Variants in CADPS2 observed in about 807,000 individuals in gnomAD.
CADPS2 encodes the protein calcium dependent secretion activator 2.
A neutral mutation model predicts 172.5 loss-of-function variants in CADPS2; 93 were observed. The observed-to-expected ratio is 0.54, with a 90% CI of 0.46 to 0.64. CADPS2 has a LOEUF of 0.64. CADPS2 is among the 30% of genes least tolerant of loss of function. The pLI is 0.00. For missense variants in CADPS2, 1,420 were observed against 1,565.9 expected (o/e 0.91, Z 1.57); for synonymous variants, 546 against 555.2 (o/e 0.98, Z 0.23).
intron 6 of CADPS2, among the ~76,000 whole-genome samples, chr7:122,593,809 T>C (rs1301364260): frequency 6.6e-6 from 1 of 151,446 alleles, no homozygotes; most frequent in Non-Finnish European, 1.5e-5. Flanking sequence ...AAAGAAGCCA[T>C]GTGAGAATCT....
chr7:122,736,089 A>G (rs1047321367), intron 2 of CADPS2, among the ~76,000 whole-genome samples: 2 of 152,144 alleles, frequency 1.3e-5, no homozygotes, highest in Non-Finnish European at 2.9e-5. Context: ...GGCTTGGGGT[A>G]AGGTAAACTT....
At position 122,675,204 on chromosome 7, in the gene CADPS2, T is replaced by C. The variant is rs577851599; in HGVS notation, c.454-11635A>G. Reference sequence around the variant, plus strand: ...GCAGCATTTGTCCATCTGTGGGACCTGTCTGTGACTCACACAAAACGGAGT... The same window carrying C: ...GCAGCATTTGTCCATCTGTGGGACCCGTCTGTGACTCACACAAAACGGAGT... On this transcript the variant is annotated intron_variant, in intron 2 of 29. Transcript: ENST00000449022. 2.6e-5 allele frequency among the ~76,000 whole-genome samples: 4 copies of C among 152,358 alleles called. No individual in the cohort carries two copies. The East Asian group carries it at 7.7e-4, about 29-fold the overall frequency.
rs1287297381 is a variant in CADPS2, at chr7:122,451,468, C to T, written c.2194G>A (p.Gly732Arg). 6 of 1,558,566 alleles carry T rather than the reference C, an allele frequency of 3.8e-6. No individual in the cohort carries two copies. Residue 732 changes from glycine (G) to arginine (R), a missense_variant, in exon 15 of 30, where the codon GGA becomes AGA. Physicochemically the swap from Gly to Arg is moderately radical, Grantham distance 125. Coordinates refer to ENST00000449022, the MANE Select transcript of CADPS2 (RefSeq NM_017954.11). ...ASHVHGNRPD[G>R]IGTVSVEEKE... ...TCTTCCACTGAAACAGTCCCAATTCCATCAGGCCTGAAAAAAAAATCAGAA... is the reference window on the plus strand; with the variant it reads ...TCTTCCACTGAAACAGTCCCAATTCTATCAGGCCTGAAAAAAAAATCAGAA...
intron 8 of CADPS2, among the ~76,000 whole-genome samples, chr7:122,536,827 C>T (rs999802927): frequency 9.9e-5 from 15 of 152,054 alleles, no homozygotes; most frequent in African/African-American, 3.1e-4. Context: ...GGCCTAAGCT[C>T]TCAAGCTACC....
At chr7:122,597,216 T>C (rs1168611858) in intron 6 of CADPS2, among the ~76,000 whole-genome samples, 1 of 152,108 alleles carries the variant, frequency 6.6e-6, no homozygotes, top group Non-Finnish European at 1.5e-5. Flanking sequence ...CATACGTCAG[T>C]TAAACTTTTT....
intron 6 of CADPS2, among the ~76,000 whole-genome samples, chr7:122,587,538 C>T (rs2069932107): frequency 6.6e-6 from 1 of 152,060 alleles, no homozygotes; most frequent in South Asian, 2.1e-4. Context: ...GGGTTGATTC[C>T]CTATCTTTGC....
chr7:122,541,817 A>G (rs2063071586), intron 8 of CADPS2, among the ~76,000 whole-genome samples: 1 of 42,436 alleles, frequency 2.4e-5, no homozygotes, highest in South Asian at 5.6e-4. Context: ...TTATATATTC[A>G]TATGTTTATA....
chr7:122,402,402 G>GC (rs1371739506), intron 20 of CADPS2, among the ~76,000 whole-genome samples: 1 of 152,132 alleles, frequency 6.6e-6, no homozygotes, highest in African/African-American at 2.4e-5. Flanking sequence ...CTGCTGTCAA[G>GC]CCCCCCGCCC....
At chr7:122,366,632 CACACACACACACACAT>C (rs1165624439) in intron 25 of CADPS2, 8 of 141,858 alleles carry the variant, frequency 5.6e-5, no homozygotes, top group African/African-American at 2.1e-4. Flanking sequence ...CACACACACA[CACACACACACACACAT>C]ATATATACAT....
chr7:122,791,059 G>A (rs1414580922), intron 1 of CADPS2, among the ~76,000 whole-genome samples: 1 of 152,176 alleles, frequency 6.6e-6, no homozygotes, highest in Non-Finnish European at 1.5e-5. Context: ...CTGTCTGAAT[G>A]TCTGTTCTTA....
rs1221531644 is a variant in CADPS2, at chr7:122,803,570, G to C, written c.340-66502C>G. Among the ~76,000 whole-genome samples the C allele has an allele frequency of 2.6e-5, 4 of 152,300 alleles. No homozygotes were observed. The East Asian group carries it at 7.7e-4, about 29-fold the overall frequency. On this transcript the variant is annotated intron_variant, in intron 1 of 29. Coordinates refer to ENST00000449022, the MANE Select transcript of CADPS2 (RefSeq NM_017954.11). ...AAATCACAGGAAACTTTCACCACTA[G>C]ATGGTGAGCTTGTGGCTTGGCAGCT...
chr7:122,641,345 T>C (rs941019965), intron 3 of CADPS2, among the ~76,000 whole-genome samples: 2 of 152,216 alleles, frequency 1.3e-5, no homozygotes, highest in South Asian at 4.1e-4. Flanking sequence ...TTTATTTTCC[T>C]CCTGTTCATT....
intron 9 of CADPS2, among the ~76,000 whole-genome samples, chr7:122,505,839 T>C (rs1563537417): frequency 1.3e-5 from 2 of 152,194 alleles, no homozygotes; most frequent in African/African-American, 4.8e-5. Flanking sequence ...GTTCCTTTAA[T>C]ATCCCAAGAG....
chr7:122,518,070 C>A (rs903707419), intron 8 of CADPS2, among the ~76,000 whole-genome samples: 12 of 151,724 alleles, frequency 7.9e-5, no homozygotes. Context: ...TACATTTAAC[C>A]TGATATTATG....
At chr7:122,507,355 G>C (rs1323199290) in intron 9 of CADPS2, among the ~76,000 whole-genome samples, 1 of 152,008 alleles carries the variant, frequency 6.6e-6, no homozygotes, top group Non-Finnish European at 1.5e-5. Flanking sequence ...GAAAAGTAAG[G>C]GACTTAATCC....
At chr7:122,860,577 A>T (rs549797052) in intron 1 of CADPS2, among the ~76,000 whole-genome samples, 79 of 152,224 alleles carry the variant, frequency 5.2e-4, no homozygotes, top group African/African-American at 1.8e-3. Flanking sequence ...AACATTTTAG[A>T]ACCCCCAAGG....
At chr7:122,711,070 G>T (rs917954350) in intron 2 of CADPS2, among the ~76,000 whole-genome samples, 4 of 152,044 alleles carry the variant, frequency 2.6e-5, no homozygotes, top group African/African-American at 9.7e-5. Context: ...AACAGGCAAT[G>T]ATTTGACAAG....
chr7:122,645,523 TA>T (rs2078390169), intron 3 of CADPS2, among the ~76,000 whole-genome samples: 5 of 126,070 alleles, frequency 4.0e-5, no homozygotes, highest in Admixed American at 1.6e-4. Context: ...CTTATATATA[TA>T]TAAGTATATA....
intron 2 of CADPS2, chr7:122,697,836 A>G: frequency 6.2e-7 from 1 of 1,607,954 alleles, no homozygotes; most frequent in Non-Finnish European, 8.5e-7. Context: ...GCTGGATGTC[A>G]TTATTCTGAG....
Sources: gnomAD v4.1 joint callset for allele counts (sites outside exome capture counted in the v4.1 genomes callset) on GRCh38, gnomAD v4.1.1 for gene constraint, MANE v1.5 for transcripts, NCBI Gene and HGNC (gene_info 2026-07-23, HGNC 2026-07-21) for gene names.